Variants in INPP4B observed in about 807,000 individuals in gnomAD.
The protein encoded by INPP4B is inositol polyphosphate-4-phosphatase type II B.
In INPP4B, 55 loss-of-function variants were observed where a neutral mutation model predicts 122.5. The observed-to-expected ratio is 0.45, with a 90% CI of 0.36 to 0.56. The LOEUF (loss-of-function observed/expected upper bound fraction) is 0.56, where lower values mean the gene tolerates loss of function less well. Among genes scored for constraint, INPP4B ranks in the 20% least tolerant of loss-of-function variants. The pLI is 0.00. For missense variants in INPP4B, 1,000 were observed against 1,097.7 expected (o/e 0.91, Z 1.26); for synonymous variants, 403 against 388.7 (o/e 1.04, Z -0.43).
chr4:142,410,361 T>C (rs80166993), intron 5 of INPP4B, among the ~76,000 whole-genome samples: 5,993 of 152,302 alleles, frequency 0.039, 447 homozygotes, highest in African/African-American at 0.14. Flanking sequence ...AAGAAAACTT[T>C]CTTCTGTGAA....
At chr4:142,445,881 A>T (rs1368021497) in intron 3 of INPP4B, among the ~76,000 whole-genome samples, 1 of 152,166 alleles carries the variant, frequency 6.6e-6, no homozygotes, top group South Asian at 2.1e-4. Context: ...ACTAACAAAC[A>T]TATCTAGAAT....
At chr4:142,208,792 C>T (rs902837174) in intron 13 of INPP4B, 104 bp downstream of exon 13, 5 of 860,056 alleles carry the variant, frequency 5.8e-6, no homozygotes, top group Non-Finnish European at 8.1e-6. Context: ...TTTAAAAAAT[C>T]TCCAGTTCTC....
chr4:142,594,994 A>C (rs1738388792), intron 2 of INPP4B, among the ~76,000 whole-genome samples: 1 of 151,374 alleles, frequency 6.6e-6, no homozygotes, highest in Non-Finnish European at 1.5e-5. Context: ...CAGAGCATGA[A>C]TGCAGTAAAC....
chr4:142,428,910 C>T (rs1186988964), intron 5 of INPP4B, among the ~76,000 whole-genome samples: 2 of 151,960 alleles, frequency 1.3e-5, no homozygotes, highest in Admixed American at 6.6e-5. Context: ...CTACGTTAGA[C>T]TGAGTGCTGG....
At chr4:142,221,264 G>C (rs1384309587) in intron 12 of INPP4B, among the ~76,000 whole-genome samples, 2 of 151,678 alleles carry the variant, frequency 1.3e-5, no homozygotes, top group African/African-American at 4.8e-5. Context: ...GCCAGGCTTG[G>C]TGGCAGGCAC....
At chr4:142,055,531 T>C (rs1263614585) in intron 25 of INPP4B, among the ~76,000 whole-genome samples, 1 of 152,120 alleles carries the variant, frequency 6.6e-6, no homozygotes, top group Admixed American at 6.6e-5. Context: ...TTAAAATTAC[T>C]ACAAAAGTGA....
chr4:142,611,827 C>T (rs1742608311), intron 2 of INPP4B, among the ~76,000 whole-genome samples: 1 of 151,414 alleles, frequency 6.6e-6, no homozygotes, highest in South Asian at 2.1e-4. Flanking sequence ...CGCCACCATG[C>T]CTGGCTAATT....
chr4:142,237,824 AAAATAATTAATATG>A (rs754946468), intron 12 of INPP4B, 26 bp downstream of exon 12: 2 of 1,263,178 alleles, frequency 1.6e-6, no homozygotes, highest in Non-Finnish European at 2.2e-6. Flanking sequence ...TAAATGGTAT[AAAATAATTAATATG>A]AGAGAAAATA....
intron 2 of INPP4B, among the ~76,000 whole-genome samples, chr4:142,719,316 T>C (rs1764201309): frequency 6.6e-6 from 1 of 152,248 alleles, no homozygotes; most frequent in East Asian, 1.9e-4. Context: ...TGGCCAATAC[T>C]ACAATTTTCT....
chr4:142,500,067 C>T (rs1311430282), intron 2 of INPP4B, among the ~76,000 whole-genome samples: 3 of 152,156 alleles, frequency 2.0e-5, no homozygotes, highest in Non-Finnish European at 4.4e-5. Flanking sequence ...CCACAACAAG[C>T]TCTAAACATT....
At chr4:142,650,822 G>A (rs1007168575) in intron 2 of INPP4B, among the ~76,000 whole-genome samples, 5 of 152,046 alleles carry the variant, frequency 3.3e-5, no homozygotes, top group Admixed American at 3.3e-4. Flanking sequence ...CGAGACAGAA[G>A]GTTAACAAGG....
chr4:142,777,288 A>T (rs1365336207), intron 1 of INPP4B, among the ~76,000 whole-genome samples: 1 of 152,166 alleles, frequency 6.6e-6, no homozygotes, highest in Non-Finnish European at 1.5e-5. Flanking sequence ...ATTACATTAC[A>T]GAAGACTGGA....
chr4:142,233,740 C>T (rs907207229), intron 12 of INPP4B, among the ~76,000 whole-genome samples: 2 of 152,014 alleles, frequency 1.3e-5, no homozygotes, highest in African/African-American at 4.8e-5. Flanking sequence ...TTTTACAGGA[C>T]AATTTCCCAT....
In INPP4B at chr4:142,478,285, C is replaced by T. The variant is rs79223250; in HGVS notation, c.-190-15559G>A. Among the ~76,000 whole-genome samples the T allele has an allele frequency of 1.9e-3, 291 of 152,278 alleles. 1 individual carries two copies. The highest frequency in any genetic ancestry group is 6.7e-3 in the African/African-American group (280 of 41,572). ...TTTTATTTCTTTCTCTTACTTATTG[C>T]TCTGACTAGAACTTCCCATATTATA... On this transcript the variant is annotated intron_variant, in intron 2 of 25. Coordinates refer to ENST00000262992, the MANE Select transcript of INPP4B (RefSeq NM_001101669.3).
intron 2 of INPP4B, among the ~76,000 whole-genome samples, chr4:142,723,093 C>T (rs1257377349): frequency 6.6e-6 from 1 of 152,042 alleles, no homozygotes; most frequent in Non-Finnish European, 1.5e-5. Flanking sequence ...TCTTACTGTC[C>T]TTGAACATAA....
intron 2 of INPP4B, among the ~76,000 whole-genome samples, chr4:142,673,281 G>T (rs1757256403): frequency 6.6e-6 from 1 of 152,058 alleles, no homozygotes. Context: ...GATATTGATT[G>T]AAATTGCATT....
chr4:142,745,421 T>C (rs1768563735), intron 1 of INPP4B, among the ~76,000 whole-genome samples: 1 of 151,880 alleles, frequency 6.6e-6, no homozygotes, highest in African/African-American at 2.4e-5. Flanking sequence ...CTTGCCTACT[T>C]GTTTCGTAAA....
At chr4:142,627,655 C>A (rs1293841638) in intron 2 of INPP4B, among the ~76,000 whole-genome samples, 1 of 148,744 alleles carries the variant, frequency 6.7e-6, no homozygotes, top group Admixed American at 6.8e-5. Context: ...TTCGGTTTGC[C>A]AGTATTTTAT....
intron 25 of INPP4B, among the ~76,000 whole-genome samples, chr4:142,079,058 T>A (rs1772390318): frequency 6.6e-6 from 1 of 152,062 alleles, no homozygotes; most frequent in Non-Finnish European, 1.5e-5. Context: ...ATGTGAGGTC[T>A]AAACATATGT....
Sources: allele counts gnomAD v4.1 joint callset (sites outside exome capture counted in the v4.1 genomes callset), GRCh38; gene constraint gnomAD v4.1.1; transcripts MANE v1.5; gene names NCBI Gene and HGNC (gene_info 2026-07-23, HGNC 2026-07-21).